The following ARK2N variants were observed in gnomAD, a reference collection of about 807,000 sequenced individuals.
ARK2N encodes the protein protein ARK2N.
the ARK2N span, chr18:46,216,425 G>A: frequency 6.2e-7 from 1 of 1,614,078 alleles, no homozygotes; most frequent in Non-Finnish European, 8.5e-7. This position sits in a 1 kb window ranked among gnomAD's most constrained non-coding sequence, Gnocchi z 4.3. Flanking sequence ...CACAAGGAGA[G>A]GATCAGGCTA....
the ARK2N span, among the ~76,000 whole-genome samples, chr18:46,178,893 C>CAA: frequency 8.6e-3 from 1,220 of 141,424 alleles, 16 homozygotes; most frequent in African/African-American, 0.027. Context: ...GACTCTTTCT[C>CAA]AAAAAAAAAA....
At chr18:46,244,697 G>A in the ARK2N span, among the ~76,000 whole-genome samples, 1 of 145,012 alleles carries the variant, frequency 6.9e-6, no homozygotes, top group African/African-American at 2.5e-5. Context: ...TGCCTCCCGG[G>A]TTCAAGTAAT....
chr18:46,245,955 A>G, the ARK2N span, among the ~76,000 whole-genome samples: 1 of 152,102 alleles, frequency 6.6e-6, no homozygotes, highest in South Asian at 2.1e-4. Flanking sequence ...TTTCTCATAT[A>G]GTGAAAGAAG....
the ARK2N span, among the ~76,000 whole-genome samples, chr18:46,197,128 A>G: frequency 1.3e-5 from 2 of 152,200 alleles, no homozygotes; most frequent in African/African-American, 4.8e-5. Context: ...AGGGAGGAAC[A>G]TTAAAGAATT....
At chr18:46,243,941 T>A in the ARK2N span, among the ~76,000 whole-genome samples, 9 of 152,190 alleles carry the variant, frequency 5.9e-5, no homozygotes, top group African/African-American at 1.7e-4. Flanking sequence ...AGGAAGTGAT[T>A]AGTGGCTCAG....
chr18:46,203,962 C>T, the ARK2N span, among the ~76,000 whole-genome samples: 3 of 152,088 alleles, frequency 2.0e-5, no homozygotes, highest in Non-Finnish European at 4.4e-5. Context: ...TTAGTGGGCT[C>T]ATATTCCTTT....
chr18:46,225,865 T>A, the ARK2N span, among the ~76,000 whole-genome samples: 2 of 152,218 alleles, frequency 1.3e-5, no homozygotes, highest in Non-Finnish European at 2.9e-5. Context: ...TGAGTTTTGT[T>A]ATGTATGGTG....
At chr18:46,261,467 G>T in the ARK2N span, among the ~76,000 whole-genome samples, 1 of 152,176 alleles carries the variant, frequency 6.6e-6, no homozygotes, top group East Asian at 1.9e-4. Context: ...GTAGTGTTCC[G>T]TTGGCCTTCA....
the ARK2N span, chr18:46,240,244 G>C: frequency 6.4e-7 from 1 of 1,574,606 alleles, no homozygotes; most frequent in Non-Finnish European, 8.6e-7. Flanking sequence ...TCCTGGAGCT[G>C]TTTTCCTTGT....
At chr18:46,235,357 C>A in the ARK2N span, among the ~76,000 whole-genome samples, 1 of 152,326 alleles carries the variant, frequency 6.6e-6, no homozygotes, top group Non-Finnish European at 1.5e-5. Context: ...GGCCTAGGCA[C>A]TGATGTTCCT....
chr18:46,177,116 G>A, the ARK2N span, among the ~76,000 whole-genome samples: 1 of 152,128 alleles, frequency 6.6e-6, no homozygotes, highest in Non-Finnish European at 1.5e-5. Context: ...GTTATTTTAG[G>A]AAAGAGTTTG....
the ARK2N span, among the ~76,000 whole-genome samples, chr18:46,209,054 T>C: frequency 0.015 from 2,226 of 152,292 alleles, 40 homozygotes; most frequent in South Asian, 0.029. Flanking sequence ...ACTCTTTTTA[T>C]GTGACATTCT....
chr18:46,180,748 G>A, the ARK2N span, among the ~76,000 whole-genome samples: 1 of 151,642 alleles, frequency 6.6e-6, no homozygotes, highest in Non-Finnish European at 1.5e-5. Context: ...AGCAGTCTCT[G>A]CCCACAGAAC....
the ARK2N span, among the ~76,000 whole-genome samples, chr18:46,193,359 G>C: frequency 6.6e-6 from 1 of 150,724 alleles, no homozygotes; most frequent in East Asian, 2.0e-4. Context: ...GCATGATCTC[G>C]GCTCACGGCA....
At chr18:46,192,883 C>CAG in the ARK2N span, among the ~76,000 whole-genome samples, 1 of 139,482 alleles carries the variant, frequency 7.2e-6, no homozygotes, top group Admixed American at 7.1e-5. Context: ...GAGACTGTCT[C>CAG]AAAAAAAAAA....
chr18:46,229,677 C>T, the ARK2N span, among the ~76,000 whole-genome samples: 1,729 of 152,074 alleles, frequency 0.011, 59 homozygotes, highest in East Asian at 0.12. Flanking sequence ...AGTGCAGTGG[C>T]ACGATCACAG....
chr18:46,253,274 T>C, the ARK2N span, among the ~76,000 whole-genome samples: 1 of 152,198 alleles, frequency 6.6e-6, no homozygotes, highest in East Asian at 1.9e-4. Context: ...TGATAAGCAG[T>C]AGAGAGCCCC....
chr18:46,211,717 G>A, the ARK2N span, among the ~76,000 whole-genome samples: 3 of 152,138 alleles, frequency 2.0e-5, no homozygotes, highest in Non-Finnish European at 2.9e-5. Context: ...TGTAGAGGAG[G>A]TTGCGTTTAG....
chr18:46,253,724 G>A, the ARK2N span: 2 of 1,602,682 alleles, frequency 1.2e-6, no homozygotes. Flanking sequence ...TTCCTAGCAA[G>A]TGACAAAACA....
Sources: gnomAD v4.1 joint callset for allele counts (sites outside exome capture counted in the v4.1 genomes callset) on GRCh38, gnomAD v4.1.1 for gene constraint, Gnocchi (gnomAD v3.1) non-coding constraint, MANE v1.5 for transcripts, NCBI Gene and HGNC (gene_info 2026-07-23, HGNC 2026-07-21) for gene names.